Variants in TMPRSS11D observed in about 807,000 individuals in gnomAD.
The protein encoded by TMPRSS11D is transmembrane protease serine 11D.
In TMPRSS11D, 32 loss-of-function variants were observed where a neutral mutation model predicts 44.4. The ratio of observed to expected loss-of-function variants is 0.72; its 90% CI spans 0.54 to 0.97. TMPRSS11D has a LOEUF of 0.97. Ranked by LOEUF, TMPRSS11D falls within the 50% of genes least tolerant of loss-of-function variation. The pLI, the probability that TMPRSS11D is intolerant of heterozygous loss-of-function variation, is 0.00. For missense variants in TMPRSS11D, 446 were observed against 502.6 expected, an observed-to-expected ratio of 0.89 and a Z score of 1.08; for synonymous variants, 179 against 177.9, an observed-to-expected ratio of 1.01 and a Z score of -0.05.
intron 5 of TMPRSS11D, among the ~76,000 whole-genome samples, chr4:67,835,790 T>A (rs1260104933): frequency 4.6e-5 from 7 of 152,104 alleles, no homozygotes; most frequent in Non-Finnish European, 4.4e-5. Flanking sequence ...AGATTCCAGA[T>A]AGAAGGTACA....
In TMPRSS11D at chr4:67,867,904, T is replaced by A. The variant is rs187697512; in HGVS notation, c.9-8226A>T. ...TTAGTAAAACCTCTATGAAAAACAATGTGGAGACTTCTCAAATAATTAAAA... is the reference window on the plus strand; with the variant it reads ...TTAGTAAAACCTCTATGAAAAACAAAGTGGAGACTTCTCAAATAATTAAAA... On this transcript the variant is annotated intron_variant, in intron 1 of 9. Coordinates refer to ENST00000283916, the MANE Select transcript of TMPRSS11D (RefSeq NM_004262.3). Among the ~76,000 whole-genome samples the A allele has an allele frequency of 4.3e-4, 66 of 152,210 alleles. 1 individual carries two copies. Among genetic ancestry groups the A allele is most frequent in the Admixed American group, 7.2e-4 (11 of 15,278 alleles).
At chr4:67,866,928 A>G (rs1173411275) in intron 1 of TMPRSS11D, among the ~76,000 whole-genome samples, 1 of 152,102 alleles carries the variant, frequency 6.6e-6, no homozygotes, top group Non-Finnish European at 1.5e-5. Context: ...TACAAATTCA[A>G]TTAAATCCCT....
At chr4:67,849,600 C>A (rs535250101) in intron 3 of TMPRSS11D, among the ~76,000 whole-genome samples, 2 of 152,074 alleles carry the variant, frequency 1.3e-5, no homozygotes, top group Non-Finnish European at 2.9e-5. Flanking sequence ...TTAAAAATAA[C>A]AAAATCATAG....
chr4:67,863,845 A>G (rs550496045), intron 1 of TMPRSS11D, among the ~76,000 whole-genome samples: 5 of 152,204 alleles, frequency 3.3e-5, no homozygotes, highest in Admixed American at 6.6e-5. Flanking sequence ...ATTATTATAG[A>G]GGCAACTGAA....
chr4:67,839,293 A>C lies in TMPRSS11D; in HGVS notation c.318-964T>G, dbSNP rs192984425. Among the ~76,000 whole-genome samples, 71 of 152,300 alleles carry C rather than the reference A, an allele frequency of 4.7e-4. 1 individual carries two copies. Among genetic ancestry groups the C allele is most frequent in the African/African-American group, 1.6e-3 (68 of 41,580 alleles). On this transcript the variant is annotated intron_variant, in intron 4 of 9. Coordinates refer to ENST00000283916, the MANE Select transcript of TMPRSS11D (RefSeq NM_004262.3). ...TATGGGTCTTGCAGTTTAGATGTAG[A>C]AACAGGCACTGAACAAATAATTACA... is the stretch of plus-strand genomic sequence containing the variant.
chr4:67,825,690 AC>A, intron 9 of TMPRSS11D, 41 bp downstream of exon 9: 1 of 1,604,430 alleles, frequency 6.2e-7, no homozygotes, highest in Non-Finnish European at 8.5e-7. Context: ...GTGCTTATAC[AC>A]TTCTTGGATG....
At chr4:67,832,508 T>C (rs6858754) in intron 7 of TMPRSS11D, among the ~76,000 whole-genome samples, 119,045 of 151,654 alleles carry the variant, frequency 0.78, 47,708 homozygotes, top group Middle Eastern at 0.89. Context: ...GTGTTGGCAA[T>C]AGTTTAGTCA....
At chr4:67,862,479 G>T (rs1161832412) in intron 1 of TMPRSS11D, among the ~76,000 whole-genome samples, 1 of 152,068 alleles carries the variant, frequency 6.6e-6, no homozygotes, top group South Asian at 2.1e-4. Context: ...CTTGGGGGAA[G>T]CAAAGGGAAT....
intron 9 of TMPRSS11D, among the ~76,000 whole-genome samples, chr4:67,823,401 A>G (rs186070151): frequency 6.6e-6 from 1 of 152,270 alleles, no homozygotes; most frequent in East Asian, 1.9e-4. Context: ...CGATGGATTA[A>G]GTCTGTGGGT....
intron 9 of TMPRSS11D, among the ~76,000 whole-genome samples, chr4:67,823,942 C>T (rs1717717123): frequency 6.6e-6 from 1 of 152,108 alleles, no homozygotes. Flanking sequence ...CACTGCTTGA[C>T]TACAGACATT....
At chr4:67,862,462 G>A (rs1300026996) in intron 1 of TMPRSS11D, among the ~76,000 whole-genome samples, 1 of 152,030 alleles carries the variant, frequency 6.6e-6, no homozygotes, top group Admixed American at 6.6e-5. Flanking sequence ...CGTCTCTCCT[G>A]ACCTCACTTG....
At chr4:67,876,989 C>T (rs554630227) in intron 1 of TMPRSS11D, among the ~76,000 whole-genome samples, 31 of 152,022 alleles carry the variant, frequency 2.0e-4, no homozygotes, top group African/African-American at 7.0e-4. Context: ...TACTCTTTTT[C>T]TTTCTGACCC....
intron 1 of TMPRSS11D, among the ~76,000 whole-genome samples, chr4:67,881,500 CTA>C (rs752855065): frequency 6.6e-6 from 1 of 152,168 alleles, no homozygotes; most frequent in Non-Finnish European, 1.5e-5. Context: ...TAGAAATGCA[CTA>C]TTTTGGGCTT....
At chr4:67,834,166 G>A (rs1718015549) in intron 6 of TMPRSS11D, among the ~76,000 whole-genome samples, 3 of 152,124 alleles carry the variant, frequency 2.0e-5, no homozygotes, top group African/African-American at 7.2e-5. Context: ...CTTCTTTTGT[G>A]TGGTCTATTA....
chr4:67,874,315 A>G (rs560856993), intron 1 of TMPRSS11D, among the ~76,000 whole-genome samples: 1 of 58,520 alleles, frequency 1.7e-5, no homozygotes, highest in East Asian at 0.013. Context: ...TTTACTTTCT[A>G]TAGGACTAAA....
At chr4:67,865,448 T>G (rs1321624705) in intron 1 of TMPRSS11D, among the ~76,000 whole-genome samples, 3 of 151,492 alleles carry the variant, frequency 2.0e-5, no homozygotes, top group Admixed American at 2.0e-4. Context: ...AACCAAACTC[T>G]AAACTAGCAG....
intron 3 of TMPRSS11D, among the ~76,000 whole-genome samples, chr4:67,850,529 G>T (rs1260383451): frequency 1.3e-5 from 2 of 152,166 alleles, no homozygotes; most frequent in Non-Finnish European, 1.5e-5. Context: ...GGATGTTAAG[G>T]CTCCTGCAGA....
intron 1 of TMPRSS11D, among the ~76,000 whole-genome samples, chr4:67,868,095 A>AAT (rs923681603): frequency 6.3e-4 from 95 of 150,898 alleles, no homozygotes; most frequent in East Asian, 1.7e-3. Context: ...TAGATAGAGA[A>AAT]ATATATATAT....
intron 1 of TMPRSS11D, among the ~76,000 whole-genome samples, chr4:67,873,954 C>T (rs1208415002): frequency 6.6e-6 from 1 of 152,168 alleles, no homozygotes; most frequent in Non-Finnish European, 1.5e-5. Flanking sequence ...TATTATAGAA[C>T]TACAGTCATG....
Sources: allele counts gnomAD v4.1 joint callset (sites outside exome capture counted in the v4.1 genomes callset), GRCh38; gene constraint gnomAD v4.1.1; transcripts MANE v1.5; gene names NCBI Gene and HGNC (gene_info 2026-07-23, HGNC 2026-07-21).